GLDC: variants seen among roughly 807,000 people sequenced by gnomAD.
GLDC encodes the protein glycine dehydrogenase (decarboxylating), mitochondrial.
GLDC carries 104 observed loss-of-function variants against 121.3 expected under a neutral mutation model. That is an observed-to-expected ratio of 0.86 (90% CI 0.73 to 1.01). The LOEUF (loss-of-function observed/expected upper bound fraction) is 1.01, where lower values mean the gene tolerates loss of function less well. Ranked by LOEUF, GLDC falls within the 50% of genes least tolerant of loss-of-function variation. The pLI is 0.00. For synonymous variants in GLDC, 546 were observed against 480.6 expected (o/e 1.14, Z -1.78); for missense variants, 1,429 against 1,306.6 (o/e 1.09, Z -1.44).
At chr9:6,621,517 G>A (rs1023528076) in intron 2 of GLDC, among the ~76,000 whole-genome samples, 1 of 151,874 alleles carries the variant, frequency 6.6e-6, no homozygotes, top group African/African-American at 2.4e-5. Context: ...TATACTGAAG[G>A]GTCCTTTTTT....
At position 6,533,144 on chromosome 9, in the gene GLDC, T is replaced by G. The variant is rs550514750; in HGVS notation, c.2936A>C (p.Glu979Ala). 5.0e-6 allele frequency: 8 copies of G among 1,613,758 alleles called. No individual in the cohort carries two copies. Among genetic ancestry groups the G allele is most frequent in the Middle Eastern group, 1.7e-4 (1 of 6,058 alleles). Residue 979 changes from glutamate to alanine, a missense_variant, in exon 25 of 25, where the codon GAG (glutamate) becomes GCG (alanine). By Grantham distance (107) the Glu-to-Ala change is moderately radical. Transcript: ENST00000321612. ...AAFPLPFVKP[E>A]NKFWPTIARI... ...GGCAATCGTTGGCCAGAATTTGTTC[T>G]CTGGTTTCACGAAGGGCTGCAAAGG...
At position 6,589,190 on chromosome 9, in the gene GLDC, C is replaced by A. The variant is rs764790596; in HGVS notation, c.1580+5G>T. 4 of 1,567,720 alleles carry A rather than the reference C, an allele frequency of 2.6e-6. No individual in the cohort carries two copies. In the East Asian group the frequency reaches 9.0e-5, roughly 35 times the overall value. On this transcript the variant is annotated splice_donor_5th_base_variant and intron_variant, in intron 12 of 24. Transcript: ENST00000321612. ...AAACGCAGAAGTCACACAAGACACA[C>A]AAACCTGTTGAACACTTGATGGGTG...
chr9:6,548,705 C>G (rs1320425595), intron 21 of GLDC, among the ~76,000 whole-genome samples: 2 of 152,164 alleles, frequency 1.3e-5, no homozygotes, highest in East Asian at 3.9e-4. Context: ...TTCCTGACGT[C>G]TGTCTCTCTG....
intron 15 of GLDC, among the ~76,000 whole-genome samples, chr9:6,570,846 C>T (rs1817948347): frequency 8.4e-6 from 1 of 119,026 alleles, no homozygotes; most frequent in African/African-American, 3.3e-5. Flanking sequence ...AAGAGCAAAA[C>T]TCTGTCTCAA....
chr9:6,577,290 G>A (rs1050409010), intron 15 of GLDC, among the ~76,000 whole-genome samples: 1 of 152,224 alleles, frequency 6.6e-6, no homozygotes, highest in African/African-American at 2.4e-5. Context: ...CTATTCTGCA[G>A]AGTTTGAACT....
intron 17 of GLDC, among the ~76,000 whole-genome samples, chr9:6,557,130 A>G (rs1817650372): frequency 1.3e-5 from 2 of 152,246 alleles, no homozygotes. Context: ...TTAACAATAT[A>G]TAATTTTGAA....
At chr9:6,533,788 GC>G (rs1225544727) in intron 24 of GLDC, among the ~76,000 whole-genome samples, 1 of 151,424 alleles carries the variant, frequency 6.6e-6, no homozygotes, top group Non-Finnish European at 1.5e-5. Context: ...AACCTGGGAG[GC>G]AGAGGTTGTG....
chr9:6,588,119 G>A (rs558896055), intron 14 of GLDC, among the ~76,000 whole-genome samples: 2 of 143,908 alleles, frequency 1.4e-5, no homozygotes, highest in African/African-American at 5.1e-5. Flanking sequence ...AGGTTTAAAA[G>A]GGGGTGGGGG....
chr9:6,620,377 T>G (rs1409948028), intron 2 of GLDC, 58 bp from the exon 3 acceptor site: 1 of 1,429,192 alleles, frequency 7.0e-7, no homozygotes, highest in Non-Finnish European at 9.9e-7. Flanking sequence ...GAGCTCTAAT[T>G]ACAGTTTAAA....
intron 5 of GLDC, 26 bp downstream of exon 5, chr9:6,606,566 T>A (rs756133058): frequency 1.5e-6 from 2 of 1,367,520 alleles, no homozygotes; most frequent in Non-Finnish European, 1.0e-6. Context: ...TTATACTGAG[T>A]TTAAAACACG....
intron 16 of GLDC, among the ~76,000 whole-genome samples, chr9:6,561,129 T>G (rs1328968173): frequency 2.6e-5 from 4 of 152,204 alleles, no homozygotes; most frequent in Admixed American, 6.5e-5. Context: ...TCTGCAACTA[T>G]AAGAAAATTA....
In GLDC at chr9:6,569,757, C is replaced by T. The variant is rs942882133; in HGVS notation, c.1851-4328G>A. On this transcript the variant is annotated intron_variant, in intron 15 of 24. Transcript: ENST00000321612. ...TTGGGAGGCCGAGGCGAGCGGATTA[C>T]CTGCAGTTAGAAGATCGAGACCAGC... Among the ~76,000 whole-genome samples, 5 of 152,230 alleles carry T rather than the reference C, an allele frequency of 3.3e-5. No individual in the cohort carries two copies. In the Middle Eastern group the frequency reaches 0.014, roughly 414 times the overall value.
chr9:6,641,036 T>C (rs1819620238), intron 2 of GLDC, among the ~76,000 whole-genome samples: 1 of 152,206 alleles, frequency 6.6e-6, no homozygotes, highest in South Asian at 2.1e-4. Flanking sequence ...TGAATAGCTT[T>C]GCTTGTTTCT....
chr9:6,566,595 C>T (rs948753997), intron 15 of GLDC: 1 of 152,158 alleles, frequency 6.6e-6, no homozygotes, highest in African/African-American at 2.4e-5. Flanking sequence ...ACTTTCAGGG[C>T]ATATGCCATG....
At chr9:6,549,102 T>C (rs1235155969) in intron 21 of GLDC, among the ~76,000 whole-genome samples, 1 of 152,218 alleles carries the variant, frequency 6.6e-6, no homozygotes, top group African/African-American at 2.4e-5. Context: ...AAGGTTCCTT[T>C]TAAGACTCAT....
intron 15 of GLDC, among the ~76,000 whole-genome samples, chr9:6,574,294 C>T (rs1332515995): frequency 6.6e-6 from 1 of 151,820 alleles, no homozygotes; most frequent in African/African-American, 2.4e-5. Context: ...ACAGTGAAAC[C>T]CCATCTCTAC....
At position 6,592,740 on chromosome 9, in the gene GLDC, A is replaced by G; in HGVS notation, c.1401+111T>C. The G allele has an allele frequency of 5.2e-6, 5 of 968,640 alleles. No homozygotes were observed. In the South Asian group the frequency reaches 5.9e-5, roughly 11 times the overall value. The allele number at this position is 968,640 out of a possible 1,614,324, so 60.0% of individuals were successfully genotyped here. Reference sequence around the variant, plus strand: ...TAACACTTGTTTATGAAAAAATAGGACTGTGCCTAAAGTTTTCCTTTTTAT... The same window carrying G: ...TAACACTTGTTTATGAAAAAATAGGGCTGTGCCTAAAGTTTTCCTTTTTAT... On this transcript the variant is annotated intron_variant, in intron 10 of 24. Transcript: ENST00000321612.
chr9:6,560,798 G>T (rs1817740082), intron 16 of GLDC, among the ~76,000 whole-genome samples: 2 of 152,198 alleles, frequency 1.3e-5, no homozygotes, highest in African/African-American at 4.8e-5. Context: ...ACCTGTGGGT[G>T]TTTCCTTATA....
chr9:6,645,453 A>AC lies in GLDC; in HGVS notation c.46dup (p.Val16GlyfsTer73). 8.0e-7 allele frequency: 1 copy of AC among 1,250,756 alleles called. No homozygotes were observed. Among genetic ancestry groups the AC allele is most frequent in the Non-Finnish European group, 1.0e-6 (1 of 1,004,786 alleles). The allele number at this position is 1,250,756 out of a possible 1,614,324, so 77.5% of individuals were successfully genotyped here. A position where few individuals can be genotyped will look rare whatever the true frequency, so the allele number is the denominator to read the frequency against. On this transcript the variant is annotated frameshift_variant, in exon 1 of 25. Transcript: ENST00000321612. LOFTEE classifies it high-confidence loss of function. ...CCCAGCCAGGCGGCGGCCGCCCCCGACCCCGCGGCCCAGGCGCAGCCCCCA... is the reference window on the plus strand; with the variant it reads ...CCCAGCCAGGCGGCGGCCGCCCCCGACCCCCGCGGCCCAGGCGCAGCCCCCA...
Sources: gnomAD v4.1 joint callset for allele counts (sites outside exome capture counted in the v4.1 genomes callset) on GRCh38, gnomAD v4.1.1 for gene constraint, MANE v1.5 for transcripts, NCBI Gene and HGNC (gene_info 2026-07-23, HGNC 2026-07-21) for gene names.